The following CNTNAP5 variants were observed in gnomAD, a reference collection of about 807,000 sequenced individuals.
CNTNAP5 encodes contactin associated protein family member 5.
In CNTNAP5, 72 loss-of-function variants were observed where a neutral mutation model predicts 150.2. That is an observed-to-expected ratio of 0.48 (90% confidence interval 0.40 to 0.58). The LOEUF is 0.58. Ranked by LOEUF, CNTNAP5 falls within the 20% of genes least tolerant of loss-of-function variation. The probability of loss-of-function intolerance (pLI) is 0.00; values close to 1 mark genes in which losing one functional copy is unlikely to be tolerated. For synonymous variants in CNTNAP5, 672 were observed against 619.8 expected (o/e 1.08, Z -1.25); for missense variants, 1,636 against 1,626.2 (o/e 1.01, Z -0.10).
intron 2 of CNTNAP5, among the ~76,000 whole-genome samples, chr2:124,225,884 T>C (rs1000451364): frequency 3.9e-5 from 6 of 152,200 alleles, no homozygotes; most frequent in African/African-American, 1.4e-4. Flanking sequence ...TTTGTCTTTC[T>C]GTGCCTGGAT....
Position 124,288,088 on chromosome 2 carries a change from C to T in CNTNAP5, c.381+45695C>T, listed in dbSNP as rs1265669607. ...GGAACTACAGGCTTCTGTCACCATG[C>T]CTGGCTAATTTATTCTTTTTTCATA... On this transcript the variant is annotated intron_variant, in intron 3 of 23. Transcript: ENST00000682447. Among the ~76,000 whole-genome samples the T allele has an allele frequency of 2.0e-5, 3 of 152,070 alleles. No individual in the cohort carries two copies. The South Asian group carries it at 6.2e-4, about 32-fold the overall frequency.
chr2:124,269,073 C>A (rs535275368), intron 3 of CNTNAP5, among the ~76,000 whole-genome samples: 3 of 152,076 alleles, frequency 2.0e-5, no homozygotes, highest in African/African-American at 7.2e-5. Flanking sequence ...CTCCCCACCA[C>A]CCATCTAAGG....
At chr2:124,721,518 T>TAAATAAATA (rs1359102828) in intron 13 of CNTNAP5, among the ~76,000 whole-genome samples, 249 of 149,654 alleles carry the variant, frequency 1.7e-3, no homozygotes, top group African/African-American at 5.6e-3. Context: ...AATACATAAA[T>TAAATAAATA]AAATATTAAA....
At chr2:124,715,415 C>T (rs1679924701) in intron 13 of CNTNAP5, among the ~76,000 whole-genome samples, 2 of 152,148 alleles carry the variant, frequency 1.3e-5, no homozygotes, top group South Asian at 4.1e-4. Flanking sequence ...TCATTGCTCT[C>T]TGTCATCCCC....
intron 3 of CNTNAP5, among the ~76,000 whole-genome samples, chr2:124,279,125 C>T (rs1415294712): frequency 2.0e-5 from 3 of 151,986 alleles, no homozygotes; most frequent in Admixed American, 6.5e-5. Context: ...ATTGACGCCG[C>T]TGTCTGAGCA....
intron 19 of CNTNAP5, among the ~76,000 whole-genome samples, chr2:124,813,881 A>G (rs912602772): frequency 1.3e-5 from 2 of 151,934 alleles, no homozygotes; most frequent in South Asian, 2.1e-4. Flanking sequence ...AGCTTTGGCT[A>G]TCTTTGTTCT....
intron 8 of CNTNAP5, among the ~76,000 whole-genome samples, chr2:124,507,708 G>A (rs1224058187): frequency 6.6e-6 from 1 of 152,178 alleles, no homozygotes; most frequent in Non-Finnish European, 1.5e-5. Context: ...CCTTGTTGTA[G>A]CAATGCAGGT....
Position 124,434,524 on chromosome 2 carries a change from G to A in CNTNAP5, c.570G>A (p.Leu190=), listed in dbSNP as rs775204309. 1.1e-5 allele frequency: 18 copies of A among 1,613,842 alleles called. No individual in the cohort carries two copies. The highest frequency in any genetic ancestry group is 1.4e-5 in the Non-Finnish European group (17 of 1,179,842). Reference sequence around the variant, plus strand: ...ACTTTGATGGCCGAAGCTCACTTCTGTACAGGTTCAATCAGAAGTTGATGA... The same window carrying A: ...ACTTTGATGGCCGAAGCTCACTTCTATACAGGTTCAATCAGAAGTTGATGA... ...VADFDGRSSL[L]YRFNQKLMST... is the part of the protein sequence containing the mutation. Residue 190 remains leucine (L), a synonymous_variant, in exon 5 of 24, where the codon CTG becomes CTA. Transcript: ENST00000682447.
intron 13 of CNTNAP5, among the ~76,000 whole-genome samples, chr2:124,650,403 C>T (rs1678296458): frequency 1.3e-5 from 2 of 152,180 alleles, no homozygotes; most frequent in Non-Finnish European, 2.9e-5. Flanking sequence ...TGCATGTGAG[C>T]TCACCGTCTG....
At chr2:124,676,159 A>G (rs1678935517) in intron 13 of CNTNAP5, among the ~76,000 whole-genome samples, 1 of 152,222 alleles carries the variant, frequency 6.6e-6, no homozygotes, top group South Asian at 2.1e-4. Flanking sequence ...GCCCTGAACC[A>G]ATAAGTCTTT....
chr2:124,472,887 G>A (rs150724588), intron 6 of CNTNAP5, among the ~76,000 whole-genome samples: 214 of 151,968 alleles, frequency 1.4e-3, no homozygotes, highest in African/African-American at 4.9e-3. Context: ...CAGGGCTGAC[G>A]CAAATCTTCC....
intron 19 of CNTNAP5, among the ~76,000 whole-genome samples, chr2:124,806,462 TG>T (rs1682082511): frequency 6.6e-6 from 1 of 152,124 alleles, no homozygotes; most frequent in African/African-American, 2.4e-5. Context: ...GATGTATGTG[TG>T]GGAGGCAGGG....
chr2:124,115,430 G>T (rs753240675), intron 1 of CNTNAP5, among the ~76,000 whole-genome samples: 1 of 152,092 alleles, frequency 6.6e-6, no homozygotes, highest in Non-Finnish European at 1.5e-5. Context: ...CCAAGTAAGG[G>T]CTAGCCAGGC....
intron 3 of CNTNAP5, among the ~76,000 whole-genome samples, chr2:124,281,025 T>C (rs1044223161): frequency 6.6e-6 from 1 of 152,110 alleles, no homozygotes; most frequent in African/African-American, 2.4e-5. Flanking sequence ...AAACCAAAAA[T>C]TTTGTCCTAA....
chr2:124,678,688 A>G (rs1305347216), intron 13 of CNTNAP5, among the ~76,000 whole-genome samples: 1 of 151,874 alleles, frequency 6.6e-6, no homozygotes, highest in African/African-American at 2.4e-5. Flanking sequence ...GAGGCCAGGA[A>G]AGGAATGCAC....
chr2:124,111,776 C>A (rs185482796), intron 1 of CNTNAP5, among the ~76,000 whole-genome samples: 4 of 152,286 alleles, frequency 2.6e-5, no homozygotes, highest in Admixed American at 2.6e-4. Context: ...ATACAGTGGG[C>A]CTTTATTCCA....
chr2:124,035,302 C>T (rs1268263518), intron 1 of CNTNAP5, among the ~76,000 whole-genome samples: 3 of 151,980 alleles, frequency 2.0e-5, no homozygotes, highest in Non-Finnish European at 4.4e-5. Flanking sequence ...CCTTTATTTT[C>T]AATATTCTTC....
At chr2:124,673,837 G>T (rs1174812746) in intron 13 of CNTNAP5, among the ~76,000 whole-genome samples, 2 of 149,798 alleles carry the variant, frequency 1.3e-5, no homozygotes, top group African/African-American at 4.9e-5. Context: ...CGATGATAAG[G>T]TACTCATTTT....
intron 8 of CNTNAP5, among the ~76,000 whole-genome samples, chr2:124,509,383 T>C (rs1400398691): frequency 6.6e-6 from 1 of 152,216 alleles, no homozygotes; most frequent in East Asian, 1.9e-4. Context: ...CTCCTTTTTT[T>C]TTGCAAGCCT....
Sources: gnomAD v4.1 joint callset for allele counts (sites outside exome capture counted in the v4.1 genomes callset) on GRCh38, gnomAD v4.1.1 for gene constraint, MANE v1.5 for transcripts, NCBI Gene and HGNC (gene_info 2026-07-23, HGNC 2026-07-21) for gene names.